The following TNR variants were observed in gnomAD, a reference collection of about 807,000 sequenced individuals.
TNR encodes tenascin-R.
A neutral mutation model predicts 150.4 loss-of-function variants in TNR; 45 were observed. The observed-to-expected ratio is 0.30, with a 90% CI of 0.24 to 0.38. The LOEUF is 0.38. TNR is among the 10% of genes least tolerant of loss of function. TNR has a pLI of 1.00. For synonymous variants in TNR, 687 were observed against 678.4 expected (o/e 1.01, Z -0.20); for missense variants, 1,544 against 1,759.1 (o/e 0.88, Z 2.19).
intron 2 of TNR, among the ~76,000 whole-genome samples, chr1:175,502,663 C>T (rs769438905): frequency 6.6e-5 from 10 of 152,146 alleles, no homozygotes; most frequent in Non-Finnish European, 1.2e-4. Context: ...GCTCAGAATA[C>T]GTTTCCAGGA....
Position 175,631,794 on chromosome 1 carries a change from C to T in TNR, c.-164-103425G>A, listed in dbSNP as rs6677534. 3.1e-3 allele frequency among the ~76,000 whole-genome samples: 466 copies of T among 152,256 alleles called. 10 individuals carry two copies. Among genetic ancestry groups the T allele is most frequent in the African/African-American group, 0.011 (454 of 41,520 alleles). ...GAAAGGACACACACCAAACTCTAAA[C>T]ATTGGTTTTCTCAGTCAAGAGGAAT... On this transcript the variant is annotated intron_variant, in intron 1 of 22. Coordinates refer to ENST00000367674, the MANE Select transcript of TNR (RefSeq NM_003285.3).
At chr1:175,504,996 G>T (rs1308841031) in intron 2 of TNR, among the ~76,000 whole-genome samples, 3 of 152,022 alleles carry the variant, frequency 2.0e-5, no homozygotes, top group East Asian at 1.9e-4. Flanking sequence ...CCTTTCTCAC[G>T]GTCTGCCGAC....
At chr1:175,344,287 T>C (rs918859127) in intron 18 of TNR, among the ~76,000 whole-genome samples, 1 of 152,184 alleles carries the variant, frequency 6.6e-6, no homozygotes, top group Non-Finnish European at 1.5e-5. Context: ...CGGGGAGTTG[T>C]AGGGAGAGCA....
intron 1 of TNR, among the ~76,000 whole-genome samples, chr1:175,548,034 A>G (rs1172641514): frequency 3.3e-5 from 5 of 152,234 alleles, no homozygotes; most frequent in Non-Finnish European, 7.3e-5. Context: ...GACCAAAGGC[A>G]AAGAGACCTG....
intron 1 of TNR, among the ~76,000 whole-genome samples, chr1:175,742,840 G>T (rs977552220): frequency 1.4e-4 from 21 of 152,030 alleles, no homozygotes; most frequent in African/African-American, 5.1e-4. Flanking sequence ...GAGAGTTAAA[G>T]AAGGTGCACG....
chr1:175,354,891 CT>C lies in TNR; in HGVS notation c.3250-369del, dbSNP rs1325859020. 4.6e-5 allele frequency among the ~76,000 whole-genome samples: 7 copies of C among 152,328 alleles called. No individual in the cohort carries two copies. In the East Asian group the frequency reaches 1.3e-3, roughly 29 times the overall value. On this transcript the variant is annotated intron_variant, in intron 17 of 22. Transcript: ENST00000367674. ...TAACTCTGCTGAAATGTATTCTGTG[CT>C]TTTGGTTTCTGCATATGATTTCCCT...
In TNR at chr1:175,366,102, G is replaced by A. The variant is rs1406654397; in HGVS notation, c.2090C>T (p.Ser697Phe). Residue 697 changes from serine (S) to phenylalanine (F), a missense_variant, in exon 11 of 23, where the codon TCC (serine) becomes TTC (phenylalanine). This residue lies in a region of TNR where 1,254 missense variants were observed against 1,329.4 expected (regional missense o/e 0.94). Transcript: ENST00000367674. ...DSPRDLMVTA[S>F]SETSISLIWT... is the part of the protein sequence containing the mutation. ...GATGAGGGAGATGGAGGTCTCCGAG[G>A]AGGCTGTCACCATGAGGTCTCGGGG... 1 of 1,612,696 alleles carries A rather than the reference G, an allele frequency of 6.2e-7. No homozygotes were observed. Among genetic ancestry groups the A allele is most frequent in the South Asian group, 1.1e-5 (1 of 90,850 alleles).
Position 175,420,992 on chromosome 1 carries a change from C to T in TNR, c.-63-14215G>A, listed in dbSNP as rs572054342. 2.0e-5 allele frequency among the ~76,000 whole-genome samples: 3 copies of T among 151,830 alleles called. No homozygotes were observed. In the South Asian group the frequency reaches 6.2e-4, roughly 31 times the overall value. ...TTGTGTTTCAGGAAGAATACGCTCT[C>T]TGAATTTTTTTTTAAAGTTTCAGCC... On this transcript the variant is annotated intron_variant, in intron 2 of 22. Coordinates refer to ENST00000367674, the MANE Select transcript of TNR (RefSeq NM_003285.3).
chr1:175,428,753 C>A (rs1655128211), intron 2 of TNR, among the ~76,000 whole-genome samples: 1 of 152,120 alleles, frequency 6.6e-6, no homozygotes. Flanking sequence ...CTTTTTTCCC[C>A]CTGTGCTGCA....
At chr1:175,672,027 C>A (rs192186401) in intron 1 of TNR, among the ~76,000 whole-genome samples, 1 of 151,968 alleles carries the variant, frequency 6.6e-6, no homozygotes, top group African/African-American at 2.4e-5. Context: ...TGGCTCATAG[C>A]AGAACCCCAA....
chr1:175,468,982 G>A (rs942905263), intron 2 of TNR, among the ~76,000 whole-genome samples: 1 of 152,166 alleles, frequency 6.6e-6, no homozygotes, highest in Admixed American at 6.6e-5. Context: ...GCAGACTTGA[G>A]AGATATTTAG....
intron 2 of TNR, among the ~76,000 whole-genome samples, chr1:175,507,708 C>A (rs888191952): frequency 6.6e-6 from 1 of 152,210 alleles, no homozygotes; most frequent in African/African-American, 2.4e-5. Context: ...CCAGTTTCTT[C>A]TATTTGTTTT....
At chr1:175,656,175 TG>T (rs1665169122) in intron 1 of TNR, among the ~76,000 whole-genome samples, 6 of 151,116 alleles carry the variant, frequency 4.0e-5, no homozygotes, top group African/African-American at 1.2e-4. Context: ...TGTGTGTGTG[TG>T]TGTGTGTGTG....
At chr1:175,343,755 G>T (rs1039893594) in intron 18 of TNR, among the ~76,000 whole-genome samples, 7 of 152,100 alleles carry the variant, frequency 4.6e-5, no homozygotes, top group African/African-American at 1.7e-4. Context: ...CTCCCCTATG[G>T]TTATGAAAAG....
intron 1 of TNR, among the ~76,000 whole-genome samples, chr1:175,545,450 A>G (rs1222451302): frequency 2.6e-5 from 4 of 152,242 alleles, no homozygotes; most frequent in Non-Finnish European, 5.9e-5. Flanking sequence ...TAGAGCATGA[A>G]TAAAACTATT....
At chr1:175,361,314 G>A (rs1651576252) in intron 14 of TNR, among the ~76,000 whole-genome samples, 1 of 152,162 alleles carries the variant, frequency 6.6e-6, no homozygotes, top group South Asian at 2.1e-4. Context: ...TCCTCAATGG[G>A]AAAAAGGCTA....
chr1:175,413,214 T>C (rs1018154854), intron 2 of TNR, among the ~76,000 whole-genome samples: 2 of 152,188 alleles, frequency 1.3e-5, no homozygotes, highest in South Asian at 2.1e-4. Context: ...TTAGTAGATA[T>C]GGGGTTTCAC....
chr1:175,529,394 A>C (rs1659977382), intron 1 of TNR, among the ~76,000 whole-genome samples: 2 of 152,232 alleles, frequency 1.3e-5, no homozygotes, highest in Admixed American at 1.3e-4. Context: ...AATTGGAAGA[A>C]GTGTAAAGAT....
chr1:175,470,642 G>A (rs551285428), intron 2 of TNR, among the ~76,000 whole-genome samples: 69 of 152,092 alleles, frequency 4.5e-4, no homozygotes, highest in Non-Finnish European at 5.6e-4. Flanking sequence ...CATTCTCTGA[G>A]TTGCAAAAAA....
Sources: allele counts gnomAD v4.1 joint callset (sites outside exome capture counted in the v4.1 genomes callset), GRCh38; gene constraint gnomAD v4.1.1; regional missense constraint gnomAD v4.1.1; transcripts MANE v1.5; gene names NCBI Gene and HGNC (gene_info 2026-07-23, HGNC 2026-07-21).